The following MINDY1 variants were observed in gnomAD, a reference collection of about 807,000 sequenced individuals.
MINDY1 encodes the protein MINDY lysine 48 deubiquitinase 1, also known as ubiquitin carboxyl-terminal hydrolase MINDY-1.
In MINDY1, 50 loss-of-function variants were observed where a neutral mutation model predicts 53.6. That is an observed-to-expected ratio of 0.93 (90% CI 0.74 to 1.18). MINDY1 has a LOEUF of 1.18. Among genes scored for constraint, MINDY1 ranks in the 50% most tolerant of loss-of-function variants. The pLI is 0.00. For synonymous variants in MINDY1, 231 were observed against 234.7 expected, an observed-to-expected ratio of 0.98 and a Z score of 0.14; for missense variants, 484 against 578.6, an observed-to-expected ratio of 0.84 and a Z score of 1.68.
chr1:151,006,716 G>A lies in MINDY1; in HGVS notation c.-494C>T, dbSNP rs1673269993. ...TTCTCATCAGGACGAAGAAAAATTAGGCAAGGACAAGCTCCCTGGAGGAGG... is the reference window on the plus strand; with the variant it reads ...TTCTCATCAGGACGAAGAAAAATTAAGCAAGGACAAGCTCCCTGGAGGAGG... On this transcript the variant is annotated 5_prime_UTR_variant, in exon 1 of 10. Transcript: ENST00000683666. The A allele has an allele frequency of 3.0e-6, 3 of 985,528 alleles. No individual in the cohort carries two copies. The highest frequency in any genetic ancestry group is 3.6e-6 in the Non-Finnish European group (3 of 830,032). 61.0% of individuals were successfully genotyped at this position (985,528 alleles called of 1,614,324 possible).
chr1:151,001,798 G>A lies in MINDY1; in HGVS notation c.454-16C>T, dbSNP rs1361370794. The A allele has an allele frequency of 1.4e-5, 22 of 1,582,868 alleles. No homozygotes were observed. Among genetic ancestry groups the A allele is most frequent in the East Asian group, 2.3e-5 (1 of 43,258 alleles). ...GGAGCTTCACCTGGAGGCAGAAGGG[G>A]TGATCACGTGTGTGCTTTCCTCCAA... On this transcript the variant is annotated splice_polypyrimidine_tract_variant and intron_variant, in intron 2 of 9. Coordinates refer to ENST00000683666, the MANE Select transcript of MINDY1 (RefSeq NM_001376665.1).
chr1:151,008,250 A>C (rs1163549962), upstream of MINDY1: 2 of 1,183,750 alleles, frequency 1.7e-6, no homozygotes, highest in Non-Finnish European at 2.1e-6. Context: ...ACACATACAC[A>C]TTTGTTTACC....
chr1:151,007,280 C>G (rs1171129229), upstream of MINDY1, among the ~76,000 whole-genome samples: 1 of 152,090 alleles, frequency 6.6e-6, no homozygotes, highest in East Asian at 1.9e-4. Flanking sequence ...CCAAGGCGGG[C>G]GGATCACAAG....
At chr1:151,004,572 G>A (rs1464346868) in intron 1 of MINDY1, among the ~76,000 whole-genome samples, 1 of 151,730 alleles carries the variant, frequency 6.6e-6, no homozygotes, top group East Asian at 1.9e-4. Flanking sequence ...TGTATTGAAA[G>A]TACAAAAATT....
At chr1:151,006,911 T>C (rs930111997), upstream of MINDY1, 4 of 985,080 alleles carry the variant, frequency 4.1e-6, no homozygotes, top group Non-Finnish European at 4.8e-6. Flanking sequence ...CTGGTGAGAA[T>C]AGGGAAGAGC....
Position 150,999,283 on chromosome 1 carries a change from A to C in MINDY1, c.981+86T>G. The C allele has an allele frequency of 6.4e-7, 1 of 1,559,552 alleles. No homozygotes were observed. The highest frequency in any genetic ancestry group is 8.7e-7 in the Non-Finnish European group (1 of 1,143,020). On this transcript the variant is annotated intron_variant, in intron 7 of 9. Coordinates refer to ENST00000683666, the MANE Select transcript of MINDY1 (RefSeq NM_001376665.1). The surrounding 1 kb of genome is among the most constrained non-coding windows in gnomAD (Gnocchi z 4.4). ...GAGGGGTCACTTGCTACCACGGCTT[A>C]ATCTAGCTGATCCCAGCTGGACCCA...
At chr1:150,997,436 G>C (rs771026745) in intron 9 of MINDY1, 69 bp from the exon 10 acceptor site, 2 of 1,550,802 alleles carry the variant, frequency 1.3e-6, no homozygotes, top group African/African-American at 1.4e-5. Flanking sequence ...CTAGAAGAAG[G>C]GGTGTCAGGA....
At chr1:151,000,644 T>C (rs1368023903) in intron 4 of MINDY1, 29 bp from the exon 5 acceptor site, 4 of 1,591,042 alleles carry the variant, frequency 2.5e-6, no homozygotes. Flanking sequence ...ATGATGGAGA[T>C]TCTAGCCTTC....
intron 8 of MINDY1, 105 bp downstream of exon 8, chr1:150,997,977 G>T: frequency 3.1e-6 from 4 of 1,305,938 alleles, no homozygotes; most frequent in Non-Finnish European, 3.1e-6. Flanking sequence ...GTAACCCAGA[G>T]AGAGAGGCAT....
At chr1:151,004,600 C>T (rs1017724294) in intron 1 of MINDY1, among the ~76,000 whole-genome samples, 1 of 151,932 alleles carries the variant, frequency 6.6e-6, no homozygotes, top group East Asian at 1.9e-4. Context: ...TGTGTTGGCA[C>T]GTGCCTGTAG....
At chr1:150,997,420 G>A (rs1671943826) in intron 9 of MINDY1, 53 bp from the exon 10 acceptor site, 2 of 1,561,630 alleles carry the variant, frequency 1.3e-6, no homozygotes, top group South Asian at 1.2e-5. Context: ...AGCACAAGAA[G>A]AGATTCTAGA....
chr1:151,003,029 G>A (rs1184701023), intron 1 of MINDY1: 5 of 1,034,622 alleles, frequency 4.8e-6, no homozygotes, highest in Non-Finnish European at 6.0e-6. Flanking sequence ...GCACAAAGGA[G>A]AAAGAAGGAT....
rs1442315137 is a variant in MINDY1 at position 151,002,229 on chromosome 1, G to A, written c.389C>T (p.Thr130Ile). Residue 130 changes from threonine (T) to isoleucine (I), a missense_variant, in exon 2 of 10, where the codon ACC (threonine) becomes ATC (isoleucine). Physicochemically the swap from Thr to Ile is moderately conservative, Grantham distance 89. Coordinates refer to ENST00000683666, the MANE Select transcript of MINDY1 (RefSeq NM_001376665.1). This position sits in a 1 kb window ranked among gnomAD's most constrained non-coding sequence, Gnocchi z 4.1. ...AGGGCAAGGGCCGTTAGTGCTCTGG[G>A]TGATGATGGGTGTCTGTTCTCCTTT... Reference protein sequence around the residue: ...PWKGEQTPIITQSTNGPCPLL... With the variant: ...PWKGEQTPIIIQSTNGPCPLL... 1.2e-6 allele frequency: 2 copies of A among 1,614,200 alleles called. No individual in the cohort carries two copies. Among genetic ancestry groups the A allele is most frequent in the Non-Finnish European group, 1.7e-6 (2 of 1,180,032 alleles).
At chr1:151,000,083 CTTT>C (rs201856676) in intron 5 of MINDY1, 119 bp from the exon 6 acceptor site, 5 of 544,336 alleles carry the variant, frequency 9.2e-6, no homozygotes, top group East Asian at 7.1e-5. Context: ...TTCCTAAACA[CTTT>C]TTTTTTTTGG....
At chr1:151,004,660 G>T (rs1206065482) in intron 1 of MINDY1, among the ~76,000 whole-genome samples, 1 of 151,970 alleles carries the variant, frequency 6.6e-6, no homozygotes, top group Non-Finnish European at 1.5e-5. Context: ...AACCTGGGAG[G>T]CAGGGGGTTG....
In MINDY1 at chr1:151,002,071, T is replaced by C; in HGVS notation, c.453+94A>G. The stretch of plus-strand genomic sequence containing the variant: ...ATAGGGAGAACAATCTGAAAAGTTT[T>C]GACTAGTTTGAGGACATCAGGATGA... On this transcript the variant is annotated intron_variant, in intron 2 of 9. Coordinates refer to ENST00000683666, the MANE Select transcript of MINDY1 (RefSeq NM_001376665.1). The surrounding 1 kb of genome is among the most constrained non-coding windows in gnomAD (Gnocchi z 4.1). 7.8e-7 allele frequency: 1 copy of C among 1,275,180 alleles called. No individual in the cohort carries two copies. Among genetic ancestry groups the C allele is most frequent in the Non-Finnish European group, 1.1e-6 (1 of 919,536 alleles). The allele number at this position is 1,275,180 out of a possible 1,614,324, so 79.0% of individuals were successfully genotyped here. A position where few individuals can be genotyped will look rare whatever the true frequency, so the allele number is the denominator to read the frequency against.
chr1:151,006,129 A>G (rs1251725010), intron 1 of MINDY1, 183 bp downstream of exon 1: 1 of 1,551,658 alleles, frequency 6.4e-7, no homozygotes, highest in Non-Finnish European at 8.7e-7. Flanking sequence ...TCGTGCTTTC[A>G]TTAAAAGGAG....
intron 1 of MINDY1, among the ~76,000 whole-genome samples, chr1:151,003,200 G>T (rs754531989): frequency 2.0e-5 from 3 of 152,068 alleles, no homozygotes; most frequent in Non-Finnish European, 4.4e-5. Context: ...AACATACTAA[G>T]AATACACAGT....
Position 151,002,474 on chromosome 1 carries a change from T to G in MINDY1, c.144A>C (p.Arg48Ser). ...AAGCTTGGTCTGCTGGCTCCCGTTC[T>G]CTAGCCTCCCCATCAGCATCTCTTG... ...TDARDADGEAREREPADQALL... is the reference protein window; with the variant it reads ...TDARDADGEASEREPADQALL... The change falls in exon 2 of 10, where the codon AGA becomes AGC. Residue 48 changes from arginine (R) to serine (S), a missense_variant. Arg to Ser is a moderately radical substitution (Grantham distance 110). Coordinates refer to ENST00000683666, the MANE Select transcript of MINDY1 (RefSeq NM_001376665.1). This position sits in a 1 kb window ranked among gnomAD's most constrained non-coding sequence, Gnocchi z 4.1. The G allele has an allele frequency of 6.2e-7, 1 of 1,614,232 alleles. No homozygotes were observed. Among genetic ancestry groups the G allele is most frequent in the Non-Finnish European group, 8.5e-7 (1 of 1,180,040 alleles).
Sources: gnomAD v4.1 joint callset for allele counts (sites outside exome capture counted in the v4.1 genomes callset) on GRCh38, gnomAD v4.1.1 for gene constraint, Gnocchi (gnomAD v3.1) non-coding constraint, MANE v1.5 for transcripts, NCBI Gene and HGNC (gene_info 2026-07-23, HGNC 2026-07-21) for gene names.